The following FBXO34 variants were observed in gnomAD, a reference collection of about 807,000 sequenced individuals.
FBXO34 encodes the protein F-box only protein 34.
Under a neutral mutation model 24.5 loss-of-function variants are expected in FBXO34, and 12 were observed. The observed-to-expected ratio is 0.49, with a 90% CI of 0.31 to 0.79. The LOEUF (loss-of-function observed/expected upper bound fraction) is 0.79, where lower values mean the gene tolerates loss of function less well. Among genes scored for constraint, FBXO34 ranks in the 30% least tolerant of loss-of-function variants. The pLI is 0.04. For missense variants in FBXO34, 823 were observed against 857.7 expected (o/e 0.96, Z 0.51); for synonymous variants, 320 against 311.9 (o/e 1.03, Z -0.27).
intron 1 of FBXO34, among the ~76,000 whole-genome samples, chr14:55,341,631 G>T (rs1273136043): frequency 2.6e-5 from 4 of 152,148 alleles, no homozygotes; most frequent in Admixed American, 2.0e-4. Flanking sequence ...AATGCTCAAT[G>T]TATTTTTCAA....
intron 1 of FBXO34, among the ~76,000 whole-genome samples, chr14:55,302,061 C>A (rs556271623): frequency 6.6e-6 from 1 of 152,280 alleles, no homozygotes; most frequent in East Asian, 1.9e-4. Context: ...CCAAAAGATG[C>A]AAATGTAGCT....
chr14:55,433,812 C>G, the FBXO34 span: 1 of 1,143,560 alleles, frequency 8.7e-7, no homozygotes, highest in East Asian at 2.4e-5. Context: ...AAATCTCAAA[C>G]AGATTGGATG....
the FBXO34 span, among the ~76,000 whole-genome samples, chr14:55,416,789 A>C: frequency 1.3e-5 from 2 of 152,240 alleles, no homozygotes; most frequent in Non-Finnish European, 2.9e-5. Context: ...TAATAGGTAC[A>C]GCAAACACAC....
At chr14:55,400,909 T>TAAATAAAATAAAATAAAATAAAATA in the FBXO34 span, among the ~76,000 whole-genome samples, 2 of 143,262 alleles carry the variant, frequency 1.4e-5, no homozygotes, top group South Asian at 2.2e-4. Flanking sequence ...CTCAAATAAA[T>TAAATAAAATAAAATAAAATAAAATA]AAATAAAATA....
At chr14:55,303,662 TA>T (rs550466413) in intron 1 of FBXO34, among the ~76,000 whole-genome samples, 9 of 148,370 alleles carry the variant, frequency 6.1e-5, no homozygotes, top group South Asian at 2.1e-4. Flanking sequence ...TCTTTCTTTT[TA>T]AAAAAAAAAC....
the FBXO34 span, among the ~76,000 whole-genome samples, chr14:55,390,490 C>G: frequency 1.3e-5 from 2 of 152,160 alleles, no homozygotes; most frequent in Admixed American, 1.3e-4. Flanking sequence ...TCTCCTGCCT[C>G]AGCCTCCCAA....
chr14:55,321,935 T>C (rs1404833941), intron 1 of FBXO34, among the ~76,000 whole-genome samples: 4 of 152,236 alleles, frequency 2.6e-5, no homozygotes, highest in Non-Finnish European at 4.4e-5. Flanking sequence ...CAATTTAACA[T>C]GTATTTGTGA....
intron 1 of FBXO34, among the ~76,000 whole-genome samples, chr14:55,301,172 C>CAT (rs1274145340): frequency 6.6e-6 from 1 of 152,138 alleles, no homozygotes. Flanking sequence ...CACGGTGGCT[C>CAT]ATGCCTGTAA....
chr14:55,296,382 GTTTTTTT>G (rs1285557004), intron 1 of FBXO34, among the ~76,000 whole-genome samples: 16 of 95,792 alleles, frequency 1.7e-4, no homozygotes, highest in Non-Finnish European at 2.8e-4. Context: ...CTGTTCTTGT[GTTTTTTT>G]TGTTTTTTTT....
downstream of FBXO34, chr14:55,366,713 T>C (rs1190602270): frequency 6.6e-6 from 1 of 152,634 alleles, no homozygotes; most frequent in Non-Finnish European, 1.5e-5. Flanking sequence ...TGTGGGTTTT[T>C]ATTAGTATTA....
chr14:55,338,240 G>A (rs557607055), intron 1 of FBXO34, among the ~76,000 whole-genome samples: 9 of 151,406 alleles, frequency 5.9e-5, no homozygotes, highest in African/African-American at 1.7e-4. Context: ...TAGTAGAGAC[G>A]GGGTTTCACT....
the FBXO34 span, among the ~76,000 whole-genome samples, chr14:55,415,466 T>A: frequency 1.3e-5 from 2 of 152,082 alleles, no homozygotes; most frequent in Non-Finnish European, 2.9e-5. Context: ...CACCCCAAAT[T>A]GAAAACAGGT....
chr14:55,411,675 G>A, the FBXO34 span: 5 of 1,613,380 alleles, frequency 3.1e-6, no homozygotes, highest in Non-Finnish European at 4.2e-6. Context: ...AGCCGCCGGC[G>A]GGTAGTGTTG....
chr14:55,277,253 C>T (rs1045987905), intron 1 of FBXO34, among the ~76,000 whole-genome samples: 1 of 152,158 alleles, frequency 6.6e-6, no homozygotes, highest in South Asian at 2.1e-4. Context: ...ACATTAGGGT[C>T]GCATTGTGCT....
intron 1 of FBXO34, among the ~76,000 whole-genome samples, chr14:55,339,219 T>G (rs150185027): frequency 1.3e-5 from 2 of 152,336 alleles, no homozygotes; most frequent in Non-Finnish European, 2.9e-5. Flanking sequence ...ACTTACACAT[T>G]TACAATATTG....
At chr14:55,370,932 C>G (rs1167059471), downstream of FBXO34, among the ~76,000 whole-genome samples, 2 of 152,136 alleles carry the variant, frequency 1.3e-5, no homozygotes, top group Non-Finnish European at 1.5e-5. Context: ...TGAGCCACCA[C>G]GCCCGGCCGC....
chr14:55,442,339 A>G, the FBXO34 span, among the ~76,000 whole-genome samples: 1 of 151,420 alleles, frequency 6.6e-6, no homozygotes, highest in African/African-American at 2.4e-5. Flanking sequence ...CAATGAGCCC[A>G]GATCATGTCA....
chr14:55,428,663 T>C, the FBXO34 span: 2 of 848,236 alleles, frequency 2.4e-6, no homozygotes, highest in East Asian at 2.7e-5. Flanking sequence ...AACTCAGGCA[T>C]AGCATCTTAA....
chr14:55,326,152 C>T (rs775510378), intron 1 of FBXO34: 3 of 152,196 alleles, frequency 2.0e-5, no homozygotes, highest in Non-Finnish European at 4.4e-5. Context: ...TAAAATCCCC[C>T]GAGTTGAGGT....
Sources: allele counts gnomAD v4.1 joint callset (sites outside exome capture counted in the v4.1 genomes callset), GRCh38; gene constraint gnomAD v4.1.1; transcripts MANE v1.5; gene names NCBI Gene and HGNC (gene_info 2026-07-23, HGNC 2026-07-21).